Variants in EYS observed in about 807,000 individuals in gnomAD.
EYS encodes protein eyes shut homolog.
EYS carries 250 observed loss-of-function variants against 282.1 expected under a neutral mutation model. The ratio of observed to expected loss-of-function variants is 0.89; its 90% confidence interval spans 0.80 to 0.98. The LOEUF (loss-of-function observed/expected upper bound fraction) is 0.98, where lower values mean the gene tolerates loss of function less well. Ranked by LOEUF, EYS falls within the 50% of genes least tolerant of loss-of-function variation. The pLI, the probability that EYS is intolerant of heterozygous loss-of-function variation, is 0.00. For missense variants in EYS, 4,016 were observed against 3,709.0 expected, an observed-to-expected ratio of 1.08 and a Z score of -2.15; for synonymous variants, 1,355 against 1,282.9, an observed-to-expected ratio of 1.06 and a Z score of -1.20.
At chr6:64,711,858 G>A (rs6921511) in intron 22 of EYS, among the ~76,000 whole-genome samples, 142,034 of 152,200 alleles carry the variant, frequency 0.93, 66,656 homozygotes, top group Non-Finnish European at 0.99. Context: ...ATAGGCACAG[G>A]ATGGGGAGTG....
At chr6:65,650,018 T>C (rs1261896925) in intron 1 of EYS, among the ~76,000 whole-genome samples, 2 of 152,208 alleles carry the variant, frequency 1.3e-5, no homozygotes, top group Non-Finnish European at 2.9e-5. Context: ...GGATATATTT[T>C]GCAGGAAAAG....
chr6:63,764,285 G>C (rs1324602836), intron 40 of EYS, among the ~76,000 whole-genome samples: 1 of 151,786 alleles, frequency 6.6e-6, no homozygotes, highest in East Asian at 1.9e-4. Flanking sequence ...TGCAAAAAAC[G>C]GAAAATTGTA....
At chr6:65,108,158 A>G (rs2150187276) in intron 12 of EYS, among the ~76,000 whole-genome samples, 1 of 150,778 alleles carries the variant, frequency 6.6e-6, no homozygotes, top group African/African-American at 2.4e-5. Context: ...TAGCTCGAAG[A>G]ACTTCTTTTT....
At chr6:65,145,241 AAC>A (rs1466685147) in intron 12 of EYS, among the ~76,000 whole-genome samples, 3 of 152,176 alleles carry the variant, frequency 2.0e-5, no homozygotes, top group South Asian at 2.1e-4. Context: ...ATATTTAAAA[AAC>A]ACAAAATCGA....
At chr6:64,510,828 T>C (rs971201157) in intron 26 of EYS, among the ~76,000 whole-genome samples, 1 of 152,086 alleles carries the variant, frequency 6.6e-6, no homozygotes, top group African/African-American at 2.4e-5. Context: ...AGATTATCTC[T>C]AGAATATGTT....
intron 26 of EYS, among the ~76,000 whole-genome samples, chr6:64,574,321 T>C (rs961660448): frequency 1.3e-5 from 2 of 152,144 alleles, no homozygotes; most frequent in Admixed American, 6.6e-5. Context: ...AAATACCTAA[T>C]GTAGATGACA....
chr6:64,103,398 C>T (rs1295217675), intron 31 of EYS, among the ~76,000 whole-genome samples: 1 of 152,114 alleles, frequency 6.6e-6, no homozygotes, highest in Non-Finnish European at 1.5e-5. Context: ...CCTTAATTCA[C>T]AGAATTTCCA....
chr6:64,931,027 G>A lies in EYS; in HGVS notation c.2381+14766C>T, dbSNP rs151209932. ...TTGCAGTCAGCATTCAAATTACATC[G>A]CTAGCCCAATTTGCTTTTTAATGTC... On this transcript the variant is annotated intron_variant, in intron 15 of 42. Transcript: ENST00000503581. 1.6e-4 allele frequency among the ~76,000 whole-genome samples: 24 copies of A among 152,230 alleles called. No individual in the cohort carries two copies. The East Asian group carries it at 4.1e-3, about 26-fold the overall frequency.
intron 12 of EYS, among the ~76,000 whole-genome samples, chr6:65,095,852 C>CA (rs1405456825): frequency 2.6e-5 from 4 of 150,966 alleles, no homozygotes; most frequent in East Asian, 3.9e-4. Context: ...TATTCAAGGG[C>CA]AAAAAACGGA....
chr6:65,426,069 G>A (rs75508856), intron 5 of EYS, among the ~76,000 whole-genome samples: 1,793 of 152,122 alleles, frequency 0.012, 20 homozygotes, highest in Admixed American at 0.023. Context: ...TCAAACTCCT[G>A]GGCTAAGTGA....
chr6:65,515,133 C>T (rs1457264198), intron 2 of EYS, among the ~76,000 whole-genome samples: 6 of 152,052 alleles, frequency 3.9e-5, no homozygotes, highest in Non-Finnish European at 7.4e-5. Context: ...GGGCAAAGGA[C>T]ATGAACAGAC....
At chr6:63,977,308 A>T (rs1174072412) in intron 35 of EYS, among the ~76,000 whole-genome samples, 1 of 151,994 alleles carries the variant, frequency 6.6e-6, no homozygotes, top group African/African-American at 2.4e-5. Context: ...AACATTCCAA[A>T]TCTTATCTTT....
At chr6:64,019,171 C>A (rs1296860363) in intron 33 of EYS, among the ~76,000 whole-genome samples, 3 of 152,100 alleles carry the variant, frequency 2.0e-5, no homozygotes, top group African/African-American at 4.8e-5. Context: ...TGGAATGATG[C>A]AACCACAAGC....
At chr6:64,566,198 C>T (rs1765563297) in intron 26 of EYS, among the ~76,000 whole-genome samples, 1 of 152,070 alleles carries the variant, frequency 6.6e-6, no homozygotes, top group African/African-American at 2.4e-5. Flanking sequence ...GTTTAGTTTA[C>T]CTTATCTCAC....
At chr6:65,385,750 T>C (rs1384708491) in intron 7 of EYS, among the ~76,000 whole-genome samples, 1 of 151,912 alleles carries the variant, frequency 6.6e-6, no homozygotes, top group Non-Finnish European at 1.5e-5. Context: ...ATGAAGACCT[T>C]TATGTATTTT....
chr6:64,666,746 C>G (rs1361978109), intron 22 of EYS, among the ~76,000 whole-genome samples: 5 of 152,218 alleles, frequency 3.3e-5, no homozygotes, highest in African/African-American at 7.2e-5. Context: ...CATGGATGCT[C>G]TACACACATC....
chr6:64,231,386 T>C (rs1476414593), intron 30 of EYS, among the ~76,000 whole-genome samples: 2 of 152,106 alleles, frequency 1.3e-5, no homozygotes, highest in Non-Finnish European at 2.9e-5. Context: ...TTATGTGAAA[T>C]TTCCTACTTT....
intron 12 of EYS, among the ~76,000 whole-genome samples, chr6:65,256,097 G>T (rs902602963): frequency 6.6e-6 from 1 of 151,908 alleles, no homozygotes; most frequent in African/African-American, 2.4e-5. Context: ...GAAGCAACCT[G>T]CATGTCCATC....
intron 1 of EYS, among the ~76,000 whole-genome samples, chr6:65,705,333 C>T (rs1217754900): frequency 6.6e-6 from 1 of 152,188 alleles, no homozygotes; most frequent in African/African-American, 2.4e-5. Context: ...CATAGCTTAA[C>T]GTACTCAGGG....
Sources: gnomAD v4.1 joint callset for allele counts (sites outside exome capture counted in the v4.1 genomes callset) on GRCh38, gnomAD v4.1.1 for gene constraint, MANE v1.5 for transcripts, NCBI Gene and HGNC (gene_info 2026-07-23, HGNC 2026-07-21) for gene names.